The following TRPM8 variants were observed in gnomAD, a reference collection of about 807,000 sequenced individuals.
The protein encoded by TRPM8 is TRPM8 cationic channel.
In TRPM8, 110 loss-of-function variants were observed where a neutral mutation model predicts 133.7. The ratio of observed to expected loss-of-function variants is 0.82; its 90% confidence interval spans 0.70 to 0.96. The LOEUF (loss-of-function observed/expected upper bound fraction) is 0.96. Ranked by LOEUF, TRPM8 falls within the 40% of genes least tolerant of loss-of-function variation. The pLI, the probability that TRPM8 is intolerant of heterozygous loss-of-function variation, is 0.00. For missense variants in TRPM8, 1,291 were observed against 1,379.5 expected (o/e 0.94, Z 1.02); for synonymous variants, 535 against 532.3 (o/e 1.01, Z -0.07).
In TRPM8 at chr2:233,930,723, C is replaced by T. The variant is rs745897429; in HGVS notation, c.173C>T (p.Thr58Ile). The T allele has an allele frequency of 6.2e-7, 1 of 1,607,898 alleles. No homozygotes were observed. The highest frequency in any genetic ancestry group is 1.7e-5 in the Admixed American group (1 of 59,644). ...AAGAAACGAGAATGTGTCTTCTTTA[C>T]CAAAGATTCCAAGGCCACGTAAGCT... is the stretch of plus-strand genomic sequence containing the variant. ...NFKKRECVFF[T>I]KDSKATENVC... The change falls in exon 3 of 26, where the codon ACC becomes ATC. Residue 58 changes from threonine (T) to isoleucine (I), a missense_variant. Coordinates refer to ENST00000324695, the MANE Select transcript of TRPM8 (RefSeq NM_024080.5).
At chr2:233,978,442 G>T (rs892045964) in intron 17 of TRPM8, among the ~76,000 whole-genome samples, 43 of 151,974 alleles carry the variant, frequency 2.8e-4, no homozygotes, top group African/African-American at 9.7e-4. Flanking sequence ...CTCTGAAACT[G>T]CAATTTCTTA....
chr2:233,979,102 A>T (rs112520276), intron 17 of TRPM8, among the ~76,000 whole-genome samples: 2,526 of 152,318 alleles, frequency 0.017, 73 homozygotes, highest in African/African-American at 0.057. Flanking sequence ...AGTAGGAAAT[A>T]TAATATCTAA....
intron 17 of TRPM8, among the ~76,000 whole-genome samples, chr2:233,975,249 A>G (rs1691839020): frequency 6.6e-6 from 1 of 152,118 alleles, no homozygotes; most frequent in African/African-American, 2.4e-5. Flanking sequence ...TTTTTAGTAA[A>G]TGCATTGATG....
At position 233,976,358 on chromosome 2, in the gene TRPM8, T is replaced by A. The variant is rs186038250; in HGVS notation, c.2356-3830T>A. On this transcript the variant is annotated intron_variant, in intron 17 of 25. Transcript: ENST00000324695. ...TTAGCTACTAAGTCACCTGTTTGGG[T>A]CATGCAGGAGGAGACTCAGGAGAGG... 3.3e-5 allele frequency among the ~76,000 whole-genome samples: 5 copies of A among 152,216 alleles called. No individual in the cohort carries two copies. In the East Asian group the frequency reaches 9.7e-4, roughly 29 times the overall value.
chr2:233,927,866 C>CTT (rs1202528890), intron 2 of TRPM8, among the ~76,000 whole-genome samples: 1 of 48,662 alleles, frequency 2.1e-5, no homozygotes, highest in Non-Finnish European at 3.2e-5. Flanking sequence ...CTTTCTCTTT[C>CTT]TTTCTTTCTT....
intron 22 of TRPM8, 74 bp from the exon 23 acceptor site, chr2:234,006,779 C>T (rs1041232432): frequency 1.8e-6 from 2 of 1,135,270 alleles, no homozygotes; most frequent in African/African-American, 3.1e-5. Context: ...CACAAAATGC[C>T]TTAGAAGATC....
chr2:233,970,864 C>T (rs915241621), intron 17 of TRPM8, among the ~76,000 whole-genome samples: 2 of 152,072 alleles, frequency 1.3e-5, no homozygotes, highest in Non-Finnish European at 2.9e-5. Context: ...TGTGTAAGTC[C>T]CTGTGGGTCT....
chr2:233,981,955 G>A (rs199970008), intron 19 of TRPM8, 40 bp downstream of exon 19: 111 of 1,555,670 alleles, frequency 7.1e-5, no homozygotes, highest in South Asian at 5.9e-4. Flanking sequence ...TTTTTCTTGC[G>A]GGGCCCAGAG....
rs757932817 is a variant in TRPM8 at position 233,970,436 on chromosome 2, C to T, written c.2355+10C>T. 5 of 1,612,660 alleles carry T rather than the reference C, an allele frequency of 3.1e-6. No homozygotes were observed. The highest frequency in any genetic ancestry group is 3.3e-5 in the Admixed American group (2 of 59,988). ...TGATGAAGTGAGACAGGTAGGGCTG[C>T]CATGACAGCAGGAACCCCCTCGCTT... On this transcript the variant is annotated intron_variant, in intron 17 of 25. Coordinates refer to ENST00000324695, the MANE Select transcript of TRPM8 (RefSeq NM_024080.5).
chr2:233,922,342 G>T (rs1053879291), intron 1 of TRPM8, among the ~76,000 whole-genome samples: 2 of 152,090 alleles, frequency 1.3e-5, no homozygotes, highest in African/African-American at 2.4e-5. Context: ...TAAGTTTAGG[G>T]CATGATTTCT....
chr2:233,973,106 C>A (rs920056948), intron 17 of TRPM8, among the ~76,000 whole-genome samples: 1 of 152,216 alleles, frequency 6.6e-6, no homozygotes, highest in Non-Finnish European at 1.5e-5. Flanking sequence ...GCAATTCTTG[C>A]CCCAGGACGG....
chr2:234,010,514 G>C (rs139861216), intron 24 of TRPM8, among the ~76,000 whole-genome samples: 6 of 152,250 alleles, frequency 3.9e-5, no homozygotes, highest in African/African-American at 1.2e-4. Context: ...GGGATTGCTG[G>C]ATCATATGAT....
intron 7 of TRPM8, 107 bp downstream of exon 7, chr2:233,946,137 G>A: frequency 9.2e-7 from 1 of 1,089,638 alleles, no homozygotes; most frequent in Non-Finnish European, 1.3e-6. Context: ...AAACACACCT[G>A]ATCAGGTATT....
intron 14 of TRPM8, 76 bp downstream of exon 14, chr2:233,964,833 G>T: frequency 6.8e-7 from 1 of 1,467,218 alleles, no homozygotes; most frequent in South Asian, 1.5e-5. Context: ...GGCACTCATA[G>T]ACCAGATGGT....
At chr2:233,976,659 C>A (rs148333790) in intron 17 of TRPM8, among the ~76,000 whole-genome samples, 10 of 152,206 alleles carry the variant, frequency 6.6e-5, no homozygotes, top group Admixed American at 2.0e-4. Context: ...TAAGAACGAT[C>A]TTTGAGTGGG....
intron 21 of TRPM8, among the ~76,000 whole-genome samples, chr2:233,993,717 C>T (rs1692337877): frequency 6.6e-6 from 1 of 152,138 alleles, no homozygotes; most frequent in African/African-American, 2.4e-5. Context: ...TTGTGGGCTG[C>T]GTTTCCACTC....
chr2:233,940,405 T>C (rs901278589), intron 5 of TRPM8, among the ~76,000 whole-genome samples: 1 of 152,162 alleles, frequency 6.6e-6, no homozygotes, highest in African/African-American at 2.4e-5. Context: ...TGTTACAAAA[T>C]TGAGCAACTC....
chr2:233,944,499 G>A (rs1690995091), intron 6 of TRPM8, among the ~76,000 whole-genome samples: 1 of 152,062 alleles, frequency 6.6e-6, no homozygotes, highest in East Asian at 1.9e-4. Context: ...CCCATTTCCT[G>A]GCAACAAGTA....
At chr2:233,943,043 C>T (rs1057095453) in intron 6 of TRPM8, 42 of 368,786 alleles carry the variant, frequency 1.1e-4, no homozygotes, top group Middle Eastern at 1.6e-3. Flanking sequence ...CCATCTCAGG[C>T]GGGCTCAAAG....
Sources: gnomAD v4.1 joint callset for allele counts (sites outside exome capture counted in the v4.1 genomes callset) on GRCh38, gnomAD v4.1.1 for gene constraint, MANE v1.5 for transcripts, NCBI Gene and HGNC (gene_info 2026-07-23, HGNC 2026-07-21) for gene names.